Variants in NCAPG observed in about 807,000 individuals in gnomAD.
NCAPG encodes the protein condensin complex subunit 3.
A neutral mutation model predicts 113.1 loss-of-function variants in NCAPG; 69 were observed. The ratio of observed to expected loss-of-function variants is 0.61; its 90% CI spans 0.50 to 0.75. The LOEUF is 0.75. Among genes scored for constraint, NCAPG ranks in the 30% least tolerant of loss-of-function variants. The probability of loss-of-function intolerance (pLI) is 0.00; values close to 1 mark genes in which losing one functional copy is unlikely to be tolerated. For synonymous variants in NCAPG, 370 were observed against 415.8 expected (o/e 0.89, Z 1.34); for missense variants, 1,058 against 1,177.0 (o/e 0.90, Z 1.48).
intron 7 of NCAPG, 36 bp downstream of exon 7, chr4:17,818,124 T>C (rs368138862): frequency 5.7e-4 from 887 of 1,562,132 alleles, no homozygotes; most frequent in Non-Finnish European, 6.9e-4. Context: ...AGAGTGATTG[T>C]GTTGCTGCAT....
At chr4:17,824,732 T>C (rs1410370955) in intron 9 of NCAPG, among the ~76,000 whole-genome samples, 1 of 152,082 alleles carries the variant, frequency 6.6e-6, no homozygotes. Context: ...TTACTTTCAC[T>C]GTCTGTGTGC....
At chr4:17,843,279 G>T (rs747665895) in intron 20 of NCAPG, 23 bp from the exon 21 acceptor site, 1 of 1,595,522 alleles carries the variant, frequency 6.3e-7, no homozygotes, top group East Asian at 2.2e-5. Context: ...ATCTAAATTC[G>T]TGTATTTTCA....
intron 14 of NCAPG, 26 bp from the exon 15 acceptor site, chr4:17,837,133 C>A: frequency 6.2e-7 from 1 of 1,603,178 alleles, no homozygotes; most frequent in East Asian, 2.2e-5. Context: ...AAATAAATTT[C>A]TTCTAATGAA....
intron 12 of NCAPG, 38 bp downstream of exon 12, chr4:17,828,426 T>C (rs1282793744): frequency 8.5e-7 from 1 of 1,173,130 alleles, no homozygotes; most frequent in South Asian, 1.4e-5. Context: ...TTTAGTCCAC[T>C]CCTTTCTTAT....
chr4:17,839,590 A>T, intron 16 of NCAPG, 86 bp from the exon 17 acceptor site: 3 of 971,234 alleles, frequency 3.1e-6, no homozygotes, highest in Non-Finnish European at 4.2e-6. Context: ...CAAGAAAATT[A>T]GTTGGAAATA....
In NCAPG at chr4:17,834,409, T is replaced by C. The variant is rs1320840272; in HGVS notation, c.1995T>C (p.Leu665=). 1 of 1,611,786 alleles carries C rather than the reference T, an allele frequency of 6.2e-7. No homozygotes were observed. Among genetic ancestry groups the C allele is most frequent in the East Asian group, 2.2e-5 (1 of 44,650 alleles). ...EPFKTKKIKT[L]HCEGTEINSD... ...TTAAAACTAAAAAAATCAAAACACT[T>C]CATTGTGAAGGTACAGAAATAAACA... The change falls in exon 14 of 21, where the codon CTT becomes CTC. Residue 665 remains leucine, a synonymous_variant. Coordinates refer to ENST00000251496, the MANE Select transcript of NCAPG (RefSeq NM_022346.5).
rs766141943 is a variant in NCAPG at position 17,817,344 on chromosome 4, C to T, written c.859C>T (p.Arg287Trp). Residue 287 changes from arginine to tryptophan, a missense_variant, in exon 6 of 21, where the codon CGG becomes TGG. Transcript: ENST00000251496. ...SEGNILELLH[R>W]LDVENSSEVA... ...AGGAAATATCTTAGAGTTGCTCCATCGGTTGGATGTAGAAAATTCTTCTGA... is the reference window on the plus strand; with the variant it reads ...AGGAAATATCTTAGAGTTGCTCCATTGGTTGGATGTAGAAAATTCTTCTGA... The T allele has an allele frequency of 1.4e-5, 23 of 1,613,882 alleles. 1 individual carries two copies. Among genetic ancestry groups the T allele is most frequent in the East Asian group, 8.9e-5 (4 of 44,878 alleles).
rs1208512522 is a variant in NCAPG, at chr4:17,844,153, T to C, written c.*728T>C. On this transcript the variant is annotated 3_prime_UTR_variant, in exon 21 of 21. Transcript: ENST00000251496. ...AATAATATTTATTTACTGTGGATAA[T>C]AATTCTAGTGGGAATATAATGTGAC... The C allele has an allele frequency of 2.0e-5, 3 of 152,028 alleles. No homozygotes were observed. Among genetic ancestry groups the C allele is most frequent in the Non-Finnish European group, 2.9e-5 (2 of 67,858 alleles). 9.4% of individuals were successfully genotyped at this position (152,028 alleles called of 1,614,324 possible).
chr4:17,840,245 TG>T, intron 18 of NCAPG, 36 bp downstream of exon 18: 2 of 1,485,420 alleles, frequency 1.3e-6, no homozygotes, highest in African/African-American at 1.4e-5. Flanking sequence ...TATAAGGTTC[TG>T]TTTTTTTTTT....
chr4:17,842,368 C>T lies in NCAPG; in HGVS notation c.2913C>T (p.Ala971=), dbSNP rs753639012. 16 of 1,611,576 alleles carry T rather than the reference C, an allele frequency of 9.9e-6. No individual in the cohort carries two copies. Among genetic ancestry groups the T allele is most frequent in the East Asian group, 2.2e-5 (1 of 44,822 alleles). The change falls in exon 20 of 21, where the codon GCC becomes GCT. Residue 971 remains alanine, a synonymous_variant. Transcript: ENST00000251496. ...RTNRRCQTAE[A]DSESDHEVPE... ...ACAGGAGGTGTCAGACTGCTGAAGC[C>T]GACTCTGAAAGGTATGTCATGCATG...
In NCAPG at chr4:17,817,390, A is replaced by G. The variant is rs758493782; in HGVS notation, c.905A>G (p.Asn302Ser). The G allele has an allele frequency of 6.8e-6, 11 of 1,614,004 alleles. No individual in the cohort carries two copies. The African/African-American group carries it at 1.5e-4, about 22-fold the overall frequency. Reference protein sequence around the residue: ...NSSEVAVSVLNALFSITPLSE... With the variant: ...NSSEVAVSVLSALFSITPLSE... ...TCTGAAGTGGCAGTCTCTGTTCTCA[A>G]TGCCTTGTTTTCAATAACTCCTCTC... Residue 302 changes from asparagine to serine, a missense_variant, in exon 6 of 21, where the codon AAT becomes AGT. Physicochemically the swap from Asn to Ser is conservative, Grantham distance 46 (BLOSUM62 1). Transcript: ENST00000251496.
At chr4:17,841,636 C>T (rs539991006) in intron 19 of NCAPG, 3 of 151,934 alleles carry the variant, frequency 2.0e-5, no homozygotes, top group African/African-American at 7.2e-5. Flanking sequence ...AGAACACCAT[C>T]CTTTTTAATA....
chr4:17,828,548 G>A (rs760864162), intron 12 of NCAPG, among the ~76,000 whole-genome samples, 160 bp downstream of exon 12: 4 of 152,034 alleles, frequency 2.6e-5, no homozygotes, highest in Non-Finnish European at 5.9e-5. Flanking sequence ...TTCATATTGT[G>A]AGGATTAAAT....
chr4:17,820,413 A>C (rs887099436), intron 7 of NCAPG, among the ~76,000 whole-genome samples: 1 of 152,130 alleles, frequency 6.6e-6, no homozygotes, highest in Admixed American at 6.6e-5. Flanking sequence ...CATCCTAGCC[A>C]ACATAGTGAA....
At chr4:17,836,310 G>C (rs921653745) in intron 14 of NCAPG, among the ~76,000 whole-genome samples, 4 of 152,022 alleles carry the variant, frequency 2.6e-5, no homozygotes, top group African/African-American at 4.8e-5. Flanking sequence ...AAGTTGGGTT[G>C]GTTGTCTTTA....
chr4:17,839,700 G>A lies in NCAPG; in HGVS notation c.2491G>A (p.Ala831Thr), dbSNP rs140137472. The A allele has an allele frequency of 2.3e-4, 354 of 1,561,184 alleles. 1 individual carries two copies. Among genetic ancestry groups the A allele is most frequent in the Non-Finnish European group, 2.9e-4 (340 of 1,164,142 alleles). The part of the protein sequence containing the change: ...YQALTVHDNL[A>T]MKICNEILTS... ...GGCCTTAACAGTACATGACAATTTG[G>A]CTATGAAAATTTGCAATGAGATCTT... is the stretch of plus-strand genomic sequence containing the variant. The change falls in exon 17 of 21, where the codon GCT becomes ACT. Residue 831 changes from alanine to threonine, a missense_variant. Transcript: ENST00000251496.
chr4:17,830,895 ACCT>A (rs1171430119), intron 12 of NCAPG, 99 bp from the exon 13 acceptor site: 1 of 1,211,686 alleles, frequency 8.3e-7, no homozygotes, highest in Non-Finnish European at 1.2e-6. Context: ...TTTAATACTT[ACCT>A]TTTCTTTAAA....
rs1256438367 is a variant in NCAPG, at chr4:17,825,413, C to T, written c.1505C>T (p.Ala502Val). ...GAAATAAAAGTTAAGCTTATCGAAG[C>T]CAAAGAAGCTTTGGAAAATTGCATT... is the stretch of plus-strand genomic sequence containing the variant. ...MAEIKVKLIE[A>V]KEALENCITL... is the part of the protein sequence containing the mutation. The change falls in exon 11 of 21, where the codon GCC becomes GTC. Residue 502 changes from alanine (A) to valine (V), a missense_variant. Transcript: ENST00000251496. The T allele has an allele frequency of 1.9e-6, 3 of 1,592,856 alleles. No individual in the cohort carries two copies. The South Asian group carries it at 3.4e-5, about 18-fold the overall frequency.
intron 20 of NCAPG, 146 bp downstream of exon 20, chr4:17,842,525 A>C: frequency 1.6e-6 from 1 of 642,712 alleles, no homozygotes; most frequent in Non-Finnish European, 2.7e-6. Context: ...TATATAGTCT[A>C]AAATTCCATC....
Sources: gnomAD v4.1 joint callset for allele counts (sites outside exome capture counted in the v4.1 genomes callset) on GRCh38, gnomAD v4.1.1 for gene constraint, MANE v1.5 for transcripts, NCBI Gene and HGNC (gene_info 2026-07-23, HGNC 2026-07-21) for gene names.